Variants in MYH10 observed in about 807,000 individuals in gnomAD.
The protein encoded by MYH10 is myosin-10.
MYH10 carries 55 observed loss-of-function variants against 257.8 expected under a neutral mutation model. The observed-to-expected ratio is 0.21, with a 90% CI of 0.17 to 0.27. The LOEUF is 0.27. MYH10 is among the 10% of genes least tolerant of loss of function. The pLI is 1.00. For synonymous variants in MYH10, 854 were observed against 921.7 expected, an observed-to-expected ratio of 0.93 and a Z score of 1.33; for missense variants, 1,631 against 2,500.6, an observed-to-expected ratio of 0.65 and a Z score of 7.42.
At position 8,523,090 on chromosome 17, in the gene MYH10, A is replaced by T. The variant is rs567574654; in HGVS notation, c.1958-1805T>A. On this transcript the variant is annotated intron_variant, in intron 17 of 42. Transcript: ENST00000360416. Reference sequence around the variant, plus strand: ...AATAAGGCACAATACAAATGCTGACACTGGCCCTCTGCTTTTCTCAAGCCA... The same window carrying T: ...AATAAGGCACAATACAAATGCTGACTCTGGCCCTCTGCTTTTCTCAAGCCA... 1.5e-3 allele frequency among the ~76,000 whole-genome samples: 226 copies of T among 152,166 alleles called. 1 individual carries two copies. The highest frequency in any genetic ancestry group is 2.9e-3 in the Non-Finnish European group (194 of 68,040).
chr17:8,548,742 T>G lies in MYH10; in HGVS notation c.965A>C (p.Asn322Thr). ...CTGTCCCGGAATAGGAATATAGCCA[T>G]TGGAGAGAAACCTGTAGTTATTAAA... Reference protein sequence around the residue: ...EGFNNYRFLSNGYIPIPGQQD... With the variant: ...EGFNNYRFLSTGYIPIPGQQD... Residue 322 changes from asparagine (N) to threonine (T), a missense_variant, in exon 10 of 43, where the codon AAT (asparagine) becomes ACT (threonine). Asn to Thr is a moderately conservative substitution (Grantham distance 65). This residue lies in a region of MYH10 where 360 missense variants were observed against 581.9 expected (regional missense o/e 0.62). Transcript: ENST00000360416. The G allele has an allele frequency of 6.2e-7, 1 of 1,613,576 alleles. No homozygotes were observed. The highest frequency in any genetic ancestry group is 8.5e-7 in the Non-Finnish European group (1 of 1,179,528).
chr17:8,476,249 A>G (rs1204513865), intron 42 of MYH10, among the ~76,000 whole-genome samples: 1 of 152,230 alleles, frequency 6.6e-6, no homozygotes, highest in African/African-American at 2.4e-5. Flanking sequence ...CCTGCTAACC[A>G]GGGAATCAGC....
chr17:8,493,507 T>C (rs1176000638), intron 32 of MYH10, among the ~76,000 whole-genome samples: 3 of 152,244 alleles, frequency 2.0e-5, no homozygotes, highest in Admixed American at 2.0e-4. Context: ...AAATGATGAC[T>C]GGATTGAAAT....
At chr17:8,516,457 G>A (rs1215129746) in intron 21 of MYH10, among the ~76,000 whole-genome samples, 1 of 152,128 alleles carries the variant, frequency 6.6e-6, no homozygotes, top group East Asian at 1.9e-4. Context: ...ATAAAATATT[G>A]AGGGGCAGGG....
rs922795981 is a variant in MYH10, at chr17:8,482,046, C to T, written c.5176-636G>A. On this transcript the variant is annotated intron_variant, in intron 37 of 42. Transcript: ENST00000360416. ...GGACAGCCCTGTGCCTGCCAGCCCA[C>T]GGGAGGAACTGCCTGATGGCTGCTT... Among the ~76,000 whole-genome samples the T allele has an allele frequency of 1.4e-4, 22 of 152,290 alleles. No individual in the cohort carries two copies. In the South Asian group the frequency reaches 1.4e-3, roughly 10 times the overall value.
chr17:8,620,853 CTT>C (rs1006585040), intron 2 of MYH10, among the ~76,000 whole-genome samples: 2 of 152,158 alleles, frequency 1.3e-5, no homozygotes, highest in African/African-American at 4.8e-5. Context: ...GACCTTGAGA[CTT>C]TGAGAAAAAC....
intron 16 of MYH10, 86 bp from the exon 17 acceptor site, chr17:8,530,771 T>A: frequency 4.8e-6 from 5 of 1,039,908 alleles, no homozygotes; most frequent in Non-Finnish European, 7.0e-6. Context: ...ACAGCACAAG[T>A]CAACTTTGAA....
intron 17 of MYH10, among the ~76,000 whole-genome samples, chr17:8,529,219 G>A (rs998244993): frequency 5.3e-5 from 8 of 152,160 alleles, no homozygotes; most frequent in East Asian, 1.9e-4. Flanking sequence ...GTGTGGGGTC[G>A]CCACCCCCTA....
intron 37 of MYH10, 58 bp downstream of exon 37, chr17:8,484,080 T>G: frequency 6.9e-7 from 1 of 1,451,732 alleles, no homozygotes; most frequent in Non-Finnish European, 9.2e-7. Context: ...TTTTTGATCT[T>G]GGAGAAATTT....
At chr17:8,531,134 C>T (rs2081993537) in intron 16 of MYH10, among the ~76,000 whole-genome samples, 1 of 152,006 alleles carries the variant, frequency 6.6e-6, no homozygotes. Context: ...AATTTTACTT[C>T]TAATACAGAT....
intron 2 of MYH10, among the ~76,000 whole-genome samples, chr17:8,610,553 C>T (rs1454373401): frequency 1.3e-5 from 2 of 151,948 alleles, no homozygotes; most frequent in East Asian, 3.9e-4. Context: ...AAATTTAATC[C>T]CCAGTGCAAC....
chr17:8,571,875 G>T (rs1416022005), intron 6 of MYH10, among the ~76,000 whole-genome samples: 1 of 151,648 alleles, frequency 6.6e-6, no homozygotes, highest in Non-Finnish European at 1.5e-5. Context: ...CCAATATCTT[G>T]CAAAGCCCTT....
At chr17:8,478,307 G>T in intron 41 of MYH10, 31 bp downstream of exon 41, 1 of 1,577,570 alleles carries the variant, frequency 6.3e-7, no homozygotes. Flanking sequence ...CTTTGCTCAC[G>T]CGCTTCCCAG....
intron 3 of MYH10, among the ~76,000 whole-genome samples, chr17:8,590,359 C>CT (rs1379466106): frequency 2.0e-5 from 3 of 152,142 alleles, no homozygotes; most frequent in African/African-American, 7.2e-5. Flanking sequence ...GTTGCCCAGG[C>CT]TGGAGTGCAG....
intron 33 of MYH10, 50 bp downstream of exon 33, chr17:8,492,726 G>C (rs370756070): frequency 6.4e-7 from 1 of 1,564,908 alleles, no homozygotes; most frequent in Non-Finnish European, 8.6e-7. Flanking sequence ...TAAACCAAAC[G>C]AACAAAAGCA....
At chr17:8,629,947 C>A (rs1330295273) in intron 1 of MYH10, among the ~76,000 whole-genome samples, 1 of 151,814 alleles carries the variant, frequency 6.6e-6, no homozygotes. Flanking sequence ...GAGCCCCTCA[C>A]CCGCCGCGCG....
rs184335759 is a variant in MYH10, at chr17:8,487,050, G to T, written c.5046+383C>A. ...GCAGAGATCACTTCTTGTCATTGTG[G>T]TAATGAAAACTGGCACATCATCTGG... On this transcript the variant is annotated intron_variant, in intron 36 of 42. Transcript: ENST00000360416. 1.3e-3 allele frequency among the ~76,000 whole-genome samples: 197 copies of T among 152,284 alleles called. 2 individuals carry two copies. The South Asian group carries it at 0.017, about 13-fold the overall frequency.
chr17:8,480,459 TTCCAGCTCCTCC>T lies in MYH10; in HGVS notation c.5319_5330del (p.Leu1776_Glu1779del). The T allele has an allele frequency of 6.2e-7, 1 of 1,612,646 alleles. No individual in the cohort carries two copies. Among genetic ancestry groups the T allele is most frequent in the Non-Finnish European group, 8.5e-7 (1 of 1,179,926 alleles). ...GCAGCTCCATGTTGCTCTGCTCCTCTTCCAGCTCCTCCTCCAGCTGTGCGATCCGAGCTTCCA... is the reference window on the plus strand; with the variant it reads ...GCAGCTCCATGTTGCTCTGCTCCTCTTCCAGCTGTGCGATCCGAGCTTCCA... On this transcript the variant is annotated inframe_deletion, in exon 39 of 43. Coordinates refer to ENST00000360416, the MANE Select transcript of MYH10 (RefSeq NM_001256012.3).
At chr17:8,626,633 A>G (rs942223522) in intron 1 of MYH10, among the ~76,000 whole-genome samples, 4 of 149,944 alleles carry the variant, frequency 2.7e-5, no homozygotes, top group Non-Finnish European at 5.9e-5. Flanking sequence ...ATTTAAAAAA[A>G]AAGAAGAAAG....
Sources: gnomAD v4.1 joint callset for allele counts (sites outside exome capture counted in the v4.1 genomes callset) on GRCh38, gnomAD v4.1.1 for gene constraint, gnomAD v4.1.1 regional missense constraint, MANE v1.5 for transcripts, NCBI Gene and HGNC (gene_info 2026-07-23, HGNC 2026-07-21) for gene names.